ATG7: variants seen among roughly 807,000 people sequenced by gnomAD.
ATG7 encodes autophagy related 7, also known as ubiquitin-like modifier-activating enzyme ATG7.
A neutral mutation model predicts 82.4 loss-of-function variants in ATG7; 70 were observed. The observed-to-expected ratio is 0.85, with a 90% confidence interval of 0.70 to 1.04. The LOEUF is 1.04. ATG7 is among the 50% of genes least tolerant of loss of function. ATG7 has a pLI of 0.00. For missense variants in ATG7, 792 were observed against 864.3 expected, an observed-to-expected ratio of 0.92 and a Z score of 1.05; for synonymous variants, 287 against 313.0, an observed-to-expected ratio of 0.92 and a Z score of 0.88.
At chr3:11,345,552 A>G (rs1012263524) in intron 13 of ATG7, among the ~76,000 whole-genome samples, 1 of 152,234 alleles carries the variant, frequency 6.6e-6, no homozygotes, top group African/African-American at 2.4e-5. Context: ...GACATAAAAT[A>G]CATATGGTAT....
rs1360589173 is a variant in ATG7 at position 11,555,593 on chromosome 3, C to A, written c.*750C>A. The A allele has an allele frequency of 6.6e-6, 1 of 152,184 alleles. No homozygotes were observed. The highest frequency in any genetic ancestry group is 1.5e-5 in the Non-Finnish European group (1 of 68,104). 9.4% of individuals were successfully genotyped at this position (152,184 alleles called of 1,614,324 possible). A position where few individuals can be genotyped will look rare whatever the true frequency, so the allele number is the denominator to read the frequency against. The stretch of plus-strand genomic sequence containing the variant: ...TCCTGGCAGCTGCCTGGATGGGGCT[C>A]CTCCCTGCCCTTATGAGCAGGCCAG... On this transcript the variant is annotated 3_prime_UTR_variant, in exon 21 of 21. Transcript: ENST00000693202.
At chr3:11,310,473 C>G (rs919042557) in intron 7 of ATG7, among the ~76,000 whole-genome samples, 1 of 152,186 alleles carries the variant, frequency 6.6e-6, no homozygotes, top group Non-Finnish European at 1.5e-5. Context: ...AGCAATCAAA[C>G]AAGGCCAGTG....
At chr3:11,300,691 G>A (rs914447961) in intron 5 of ATG7, among the ~76,000 whole-genome samples, 2 of 152,176 alleles carry the variant, frequency 1.3e-5, no homozygotes, top group African/African-American at 4.8e-5. Flanking sequence ...TTGACTTTAC[G>A]ATGGTGAGAA....
chr3:11,403,914 A>G (rs2080084828), intron 19 of ATG7, among the ~76,000 whole-genome samples: 1 of 152,142 alleles, frequency 6.6e-6, no homozygotes, highest in Non-Finnish European at 1.5e-5. Context: ...GAATGAATGC[A>G]CTGAGTTAGT....
At chr3:11,369,200 C>A (rs534560325) in intron 18 of ATG7, among the ~76,000 whole-genome samples, 4 of 150,802 alleles carry the variant, frequency 2.7e-5, no homozygotes, top group Non-Finnish European at 5.9e-5. Context: ...TCAGTGTGCT[C>A]CTAGGGACAT....
chr3:11,469,942 T>C (rs1014750865), intron 20 of ATG7, among the ~76,000 whole-genome samples: 3 of 134,098 alleles, frequency 2.2e-5, no homozygotes, highest in African/African-American at 8.5e-5. Flanking sequence ...GTGAGTGAGA[T>C]TGTGCCATTG....
intron 20 of ATG7, among the ~76,000 whole-genome samples, chr3:11,447,750 C>A (rs371237937): frequency 6.6e-6 from 1 of 152,136 alleles, no homozygotes; most frequent in Non-Finnish European, 1.5e-5. Flanking sequence ...ATTGGCCAGG[C>A]CTGGGTCACA....
rs751360200 is a variant in ATG7 at position 11,371,082 on chromosome 3, T to C, written c.1875+6348T>C. 2.6e-5 allele frequency among the ~76,000 whole-genome samples: 4 copies of C among 151,108 alleles called. 1 individual carries two copies. The highest frequency in any genetic ancestry group is 5.9e-5 in the Non-Finnish European group (4 of 67,838). On this transcript the variant is annotated intron_variant, in intron 18 of 20. Coordinates refer to ENST00000693202, the MANE Select transcript of ATG7 (RefSeq NM_001349232.2). ...TGAGGCCAAAATGAGATGCAATGTA[T>C]GAAAACACCCAGGAGCCCTGAACAC...
At chr3:11,453,976 A>G (rs986350500) in intron 20 of ATG7, among the ~76,000 whole-genome samples, 1 of 152,212 alleles carries the variant, frequency 6.6e-6, no homozygotes, top group Non-Finnish European at 1.5e-5. Context: ...CAGACATCAG[A>G]GGAAATTCCG....
chr3:11,420,319 T>C lies in ATG7; in HGVS notation c.1957-6485T>C, dbSNP rs141336500. On this transcript the variant is annotated intron_variant, in intron 19 of 20. Transcript: ENST00000693202. ...TTAATAATGTTCCAGCATTAAACTT[T>C]CTGTACATCCTCATTATGGAGGAGG... Among the ~76,000 whole-genome samples the C allele has an allele frequency of 7.2e-5, 11 of 152,348 alleles. No individual in the cohort carries two copies. In the East Asian group the frequency reaches 1.9e-3, roughly 27 times the overall value.
At chr3:11,395,373 A>C (rs940799527) in intron 19 of ATG7, among the ~76,000 whole-genome samples, 2 of 152,250 alleles carry the variant, frequency 1.3e-5, no homozygotes, top group Non-Finnish European at 2.9e-5. Flanking sequence ...AAAAACCTGA[A>C]GCCTCAAATC....
At chr3:11,518,131 C>T (rs895135565) in intron 20 of ATG7, among the ~76,000 whole-genome samples, 5 of 151,850 alleles carry the variant, frequency 3.3e-5, no homozygotes, top group South Asian at 2.1e-4. Context: ...GGGTTGAGGG[C>T]GGGGCAATCA....
At chr3:11,518,306 G>T (rs2092339943) in intron 20 of ATG7, among the ~76,000 whole-genome samples, 1 of 152,198 alleles carries the variant, frequency 6.6e-6, no homozygotes, top group Non-Finnish European at 1.5e-5. Flanking sequence ...CAGGACTTTG[G>T]GAGGCCAAGG....
rs146191319 is a variant in ATG7 at position 11,469,535 on chromosome 3, C to T, written c.2079+42609C>T. 1.1e-4 allele frequency among the ~76,000 whole-genome samples: 16 copies of T among 152,208 alleles called. No homozygotes were observed. In the East Asian group the frequency reaches 2.7e-3, roughly 26 times the overall value. On this transcript the variant is annotated intron_variant, in intron 20 of 20. Transcript: ENST00000693202. ...TTTCTTTCCTCTGTGACAAAATGTT[C>T]ATCTCCATACTCTTAAAGGAGTGAT...
chr3:11,323,756 T>G (rs549826070), intron 9 of ATG7, among the ~76,000 whole-genome samples: 2 of 152,384 alleles, frequency 1.3e-5, no homozygotes, highest in South Asian at 4.1e-4. Flanking sequence ...AGTTGGGCTC[T>G]TTCTTCACTT....
chr3:11,347,671 G>A (rs968860935), intron 13 of ATG7, among the ~76,000 whole-genome samples: 3 of 152,124 alleles, frequency 2.0e-5, no homozygotes, highest in African/African-American at 7.2e-5. Flanking sequence ...AGGAAACCAG[G>A]CACTGAGTAT....
At chr3:11,563,608 G>A in the ATG7 span, among the ~76,000 whole-genome samples, 1 of 152,204 alleles carries the variant, frequency 6.6e-6, no homozygotes, top group African/African-American at 2.4e-5. Flanking sequence ...CTCGTAAAAC[G>A]TTGAAATGAA....
At chr3:11,457,706 C>T (rs1178853114) in intron 20 of ATG7, among the ~76,000 whole-genome samples, 5 of 152,074 alleles carry the variant, frequency 3.3e-5, no homozygotes, top group Admixed American at 6.5e-5. Flanking sequence ...GTGTGCCCCT[C>T]GCTTATGGGT....
rs541925396 is a variant in ATG7, at chr3:11,430,676, G to A, written c.2079+3750G>A. 4.6e-5 allele frequency among the ~76,000 whole-genome samples: 7 copies of A among 152,304 alleles called. No homozygotes were observed. The South Asian group carries it at 1.4e-3, about 32-fold the overall frequency. On this transcript the variant is annotated intron_variant, in intron 20 of 20. Transcript: ENST00000693202. ...ACTGTGCTAGTAACTGAATACAGAA[G>A]TTAATGAGACACTGACCCTCAAGGG...
Sources: allele counts gnomAD v4.1 joint callset (sites outside exome capture counted in the v4.1 genomes callset), GRCh38; gene constraint gnomAD v4.1.1; transcripts MANE v1.5; gene names NCBI Gene and HGNC (gene_info 2026-07-23, HGNC 2026-07-21).